MYO7A: variants seen among roughly 807,000 people sequenced by gnomAD.
The protein encoded by MYO7A is myosin VIIA, also known as unconventional myosin-VIIa.
A neutral mutation model predicts 263.8 loss-of-function variants in MYO7A; 210 were observed. The observed-to-expected ratio is 0.80, with a 90% CI of 0.71 to 0.89. The LOEUF (loss-of-function observed/expected upper bound fraction) is 0.89, where lower values mean the gene tolerates loss of function less well. MYO7A is among the 40% of genes least tolerant of loss of function. The probability of loss-of-function intolerance (pLI) is 0.00; values close to 1 mark genes in which losing one functional copy is unlikely to be tolerated. For synonymous variants in MYO7A, 1,239 were observed against 1,197.3 expected, an observed-to-expected ratio of 1.03 and a Z score of -0.72; for missense variants, 2,820 against 2,968.3, an observed-to-expected ratio of 0.95 and a Z score of 1.16.
chr11:77,150,702 G>A (rs895712621), intron 4 of MYO7A, among the ~76,000 whole-genome samples: 4 of 152,150 alleles, frequency 2.6e-5, no homozygotes, highest in Admixed American at 6.5e-5. Flanking sequence ...GGGAAACCAC[G>A]CTGTGGCACC....
intron 15 of MYO7A, among the ~76,000 whole-genome samples, chr11:77,172,074 C>CGCAGGCT (rs1954147603): frequency 6.6e-6 from 1 of 152,230 alleles, no homozygotes; most frequent in African/African-American, 2.4e-5. Flanking sequence ...CCGGCTAAGC[C>CGCAGGCT]TGGGAGGGGA....
At position 77,198,563 on chromosome 11, in the gene MYO7A, C is replaced by T. The variant is rs1956843263; in HGVS notation, c.4510C>T (p.Gln1504Ter). The T allele has an allele frequency of 1.2e-6, 2 of 1,613,804 alleles. No individual in the cohort carries two copies. The highest frequency in any genetic ancestry group is 1.7e-6 in the Non-Finnish European group (2 of 1,179,898). ...GACGGGTGTGTACTTTGTGGATGAGCAGGAGCAGGTACTTCTGGAGCTGTC... is the reference window on the plus strand; with the variant it reads ...GACGGGTGTGTACTTTGTGGATGAGTAGGAGCAGGTACTTCTGGAGCTGTC... ...NWTGVYFVDEQEQVLLELSFP... is the reference protein window; with the variant it reads ...NWTGVYFVDE The change falls in exon 34 of 49, where the codon CAG becomes TAG. Residue 1504 changes from glutamine to a stop codon, truncating the protein, a stop_gained. Coordinates refer to ENST00000409709, the MANE Select transcript of MYO7A (RefSeq NM_000260.4). LOFTEE classifies it high-confidence loss of function.
intron 27 of MYO7A, 92 bp downstream of exon 27, chr11:77,184,807 A>G (rs995124786): frequency 6.4e-7 from 1 of 1,555,162 alleles, no homozygotes; most frequent in Non-Finnish European, 8.7e-7. Context: ...TAAGCCAAGC[A>G]GGCCTGGGTT....
At chr11:77,149,488 G>A (rs1951819551) in intron 4 of MYO7A, among the ~76,000 whole-genome samples, 1 of 152,202 alleles carries the variant, frequency 6.6e-6, no homozygotes, top group Non-Finnish European at 1.5e-5. Context: ...CCCTCAGGTT[G>A]TCAGGACCAT....
Position 77,199,635 on chromosome 11 carries a change from T to A in MYO7A, c.4669T>A (p.Cys1557Ser). ...GLTPAGPCSPCWSCRGAKTTA... is the reference protein window; with the variant it reads ...GLTPAGPCSPSWSCRGAKTTA... ...GACCCCGGCGGGGCCCTGTTCTCCG[T>A]GTTGGTCCTGCAGGGGAGCGAAAAC... Residue 1557 changes from cysteine (C) to serine (S), a missense_variant, in exon 35 of 49, where the codon TGT becomes AGT. Transcript: ENST00000409709. 1 of 1,611,044 alleles carries A rather than the reference T, an allele frequency of 6.2e-7. No homozygotes were observed. Among genetic ancestry groups the A allele is most frequent in the East Asian group, 2.2e-5 (1 of 44,844 alleles).
In MYO7A at chr11:77,182,559, A is replaced by G. The variant is rs1555085559; in HGVS notation, c.3244A>G (p.Thr1082Ala). The G allele has an allele frequency of 1.2e-6, 2 of 1,613,306 alleles. No homozygotes were observed. Among genetic ancestry groups the G allele is most frequent in the Admixed American group, 1.7e-5 (1 of 60,022 alleles). ...TKIYETLGKK[T>A]YKRELQALQG... ...GATTTATGAGACCCTGGGCAAGAAG[A>G]CGTACAAGAGGGAGCTGCAGGCCCT... is the stretch of plus-strand genomic sequence containing the variant. The change falls in exon 25 of 49, where the codon ACG becomes GCG. Residue 1082 changes from threonine (T) to alanine (A), a missense_variant. Physicochemically the swap from Thr to Ala is moderately conservative, Grantham distance 58. Coordinates refer to ENST00000409709, the MANE Select transcript of MYO7A (RefSeq NM_000260.4).
At chr11:77,189,922 G>A in intron 28 of MYO7A, 98 bp from the exon 29 acceptor site, 1 of 1,440,238 alleles carries the variant, frequency 6.9e-7, no homozygotes, top group Non-Finnish European at 9.1e-7. Flanking sequence ...AACCTGGCCT[G>A]GAGGAGCGGC....
At chr11:77,146,781 G>A (rs1272597630) in intron 3 of MYO7A, among the ~76,000 whole-genome samples, 1 of 152,074 alleles carries the variant, frequency 6.6e-6, no homozygotes, top group Non-Finnish European at 1.5e-5. Flanking sequence ...GGCATTTGGG[G>A]ATGGGAGGGC....
chr11:77,200,673 C>T (rs751553316), intron 35 of MYO7A, among the ~76,000 whole-genome samples: 1 of 152,224 alleles, frequency 6.6e-6, no homozygotes, highest in Non-Finnish European at 1.5e-5. Context: ...CATCTTTCCC[C>T]TGAAGCTAGA....
chr11:77,208,752 C>G lies in MYO7A; in HGVS notation c.6000C>G (p.Thr2000=), dbSNP rs1371159748. The G allele has an allele frequency of 5.0e-6, 8 of 1,584,322 alleles. No individual in the cohort carries two copies. In the Admixed American group the frequency reaches 7.1e-5, roughly 14 times the overall value. The change falls in exon 44 of 49, where the codon ACC becomes ACG. Residue 2000 remains threonine, a synonymous_variant. Transcript: ENST00000409709. ...QVFFMKKLWT[T]TVPGKDPMAD... is the part of the protein sequence containing the mutation. ...TCTTCATGAAGAAGCTGTGGACCAC[C>G]ACGGTGCCAGGGAAGGATCCCATGG...
chr11:77,158,353 T>C lies in MYO7A; in HGVS notation c.926T>C (p.Met309Thr), dbSNP rs368602443. ...ANIRSAMKVL[M>T]FTDTENWEIS... Reference sequence around the variant, plus strand: ...ATCCGCTCCGCCATGAAGGTGCTCATGTTCACTGACACCGAGAACTGGGAG... The same window carrying C: ...ATCCGCTCCGCCATGAAGGTGCTCACGTTCACTGACACCGAGAACTGGGAG... Residue 309 changes from methionine to threonine, a missense_variant, in exon 9 of 49, where the codon ATG (methionine) becomes ACG (threonine). Physicochemically the swap from Met to Thr is moderately conservative, Grantham distance 81. Coordinates refer to ENST00000409709, the MANE Select transcript of MYO7A (RefSeq NM_000260.4). 2 of 1,613,350 alleles carry C rather than the reference T, an allele frequency of 1.2e-6. No homozygotes were observed. The highest frequency in any genetic ancestry group is 1.7e-6 in the Non-Finnish European group (2 of 1,179,784).
chr11:77,205,998 C>A, intron 40 of MYO7A, 99 bp from the exon 41 acceptor site: 1 of 901,854 alleles, frequency 1.1e-6, no homozygotes, highest in Non-Finnish European at 1.8e-6. Flanking sequence ...AAGTGGCAGG[C>A]GGGGATCAGA....
chr11:77,174,127 G>A (rs781974862), intron 16 of MYO7A, among the ~76,000 whole-genome samples: 8 of 151,998 alleles, frequency 5.3e-5, no homozygotes, highest in Non-Finnish European at 1.0e-4. Context: ...CATGGATGAG[G>A]CCCTCACAGA....
At chr11:77,173,800 G>T (rs570325287) in intron 16 of MYO7A, among the ~76,000 whole-genome samples, 1 of 152,246 alleles carries the variant, frequency 6.6e-6, no homozygotes, top group South Asian at 2.1e-4. Context: ...AGTGGATGAG[G>T]CCTGTCCCCT....
At chr11:77,214,479 C>A in intron 48 of MYO7A, 128 bp from the exon 49 acceptor site, 2 of 715,928 alleles carry the variant, frequency 2.8e-6, no homozygotes, top group Admixed American at 4.1e-5. Flanking sequence ...GGAGATAAGC[C>A]CTGAGTAGGA....
In MYO7A at chr11:77,167,873, C is replaced by A. The variant is rs552913500; in HGVS notation, c.1797+1711C>A. 1.9e-3 allele frequency among the ~76,000 whole-genome samples: 295 copies of A among 152,268 alleles called. 1 individual carries two copies. Among genetic ancestry groups the A allele is most frequent in the African/African-American group, 6.8e-3 (283 of 41,556 alleles). ...ATCAGCCCTGGAAGAACCTCCCGCC[C>A]CCACTCACCCTGACAGACCAACACT... is the stretch of plus-strand genomic sequence containing the variant. On this transcript the variant is annotated intron_variant, in intron 15 of 48. Coordinates refer to ENST00000409709, the MANE Select transcript of MYO7A (RefSeq NM_000260.4).
At chr11:77,189,306 G>T in intron 27 of MYO7A, 38 bp from the exon 28 acceptor site, 1 of 1,610,498 alleles carries the variant, frequency 6.2e-7, no homozygotes. Context: ...CTGTTCCTGT[G>T]GGGTGATTCC....
intron 7 of MYO7A, 24 bp from the exon 8 acceptor site, chr11:77,157,255 C>G (rs1294267735): frequency 6.3e-7 from 1 of 1,576,802 alleles, no homozygotes; most frequent in Admixed American, 1.8e-5. Context: ...CCCCTGGCCC[C>G]CAGCACTGTG....
chr11:77,155,037 G>T (rs1299609332), intron 4 of MYO7A, among the ~76,000 whole-genome samples: 1 of 152,178 alleles, frequency 6.6e-6, no homozygotes, highest in Non-Finnish European at 1.5e-5. Context: ...CCAGGCCCCG[G>T]ATATCAATAC....
Sources: allele counts gnomAD v4.1 joint callset (sites outside exome capture counted in the v4.1 genomes callset), GRCh38; gene constraint gnomAD v4.1.1; transcripts MANE v1.5; gene names NCBI Gene and HGNC (gene_info 2026-07-23, HGNC 2026-07-21).